The following ABHD12 variants were observed in gnomAD, a reference collection of about 807,000 sequenced individuals.
The protein encoded by ABHD12 is lysophosphatidylserine lipase ABHD12.
A neutral mutation model predicts 58.3 loss-of-function variants in ABHD12; 43 were observed. The ratio of observed to expected loss-of-function variants is 0.74; its 90% CI spans 0.58 to 0.95. ABHD12 has a LOEUF of 0.95. Ranked by LOEUF, ABHD12 falls within the 40% of genes least tolerant of loss-of-function variation. ABHD12 has a pLI of 0.00. For missense variants in ABHD12, 539 were observed against 537.2 expected (o/e 1.00, Z -0.03); for synonymous variants, 219 against 211.2 (o/e 1.04, Z -0.32).
chr20:25,383,952 C>T (rs2090052888), intron 1 of ABHD12, among the ~76,000 whole-genome samples: 1 of 80,644 alleles, frequency 1.2e-5, no homozygotes, highest in South Asian at 4.3e-4. Context: ...GAGACTCTTT[C>T]TCAAAAAAAA....
intron 8 of ABHD12, 146 bp downstream of exon 8, chr20:25,308,311 T>C (rs2088783689): frequency 4.9e-6 from 5 of 1,013,690 alleles, no homozygotes; most frequent in Non-Finnish European, 6.0e-6. Context: ...AGGTGTATCA[T>C]GGGAAGGGTG....
downstream of ABHD12, among the ~76,000 whole-genome samples, chr20:25,299,756 C>G (rs2088603681): frequency 6.6e-6 from 1 of 152,184 alleles, no homozygotes; most frequent in Non-Finnish European, 1.5e-5. Context: ...CAGGTGGTGT[C>G]TCTGGGGCCG....
chr20:25,312,650 A>G (rs1179046785), intron 6 of ABHD12, among the ~76,000 whole-genome samples: 1 of 138,150 alleles, frequency 7.2e-6, no homozygotes, highest in African/African-American at 2.8e-5. Flanking sequence ...ATCGTCTGGG[A>G]TGTGAGGAGC....
At chr20:25,307,897 C>T in intron 9 of ABHD12, 69 bp downstream of exon 9, 1 of 728,342 alleles carries the variant, frequency 1.4e-6, no homozygotes, top group Middle Eastern at 4.0e-4. Flanking sequence ...ATAATGTATC[C>T]TGTAATTAGT....
In ABHD12 at chr20:25,302,245, C is replaced by G. The variant is rs1250152620; in HGVS notation, c.1131G>C (p.Lys377Asn). Residue 377 changes from lysine to asparagine, a missense_variant, in exon 12 of 13, where the codon AAG becomes AAC. Transcript: ENST00000339157. ...DLGYRHKYIY[K>N]SPELPRILRE... ...TCAGTATCCGTGGCAGCTCAGGGCT[C>G]TTGTAAATGTATTTGTGCCTGTAGC... 2 of 1,613,606 alleles carry G rather than the reference C, an allele frequency of 1.2e-6. No homozygotes were observed. Among genetic ancestry groups the G allele is most frequent in the Admixed American group, 1.7e-5 (1 of 60,026 alleles).
intron 4 of ABHD12, among the ~76,000 whole-genome samples, chr20:25,317,485 C>T (rs1425870059): frequency 1.3e-5 from 2 of 152,202 alleles, no homozygotes; most frequent in African/African-American, 2.4e-5. Context: ...TTGCTCCGCA[C>T]GTCTCAGCCG....
At chr20:25,388,011 C>A (rs935112981) in intron 1 of ABHD12, among the ~76,000 whole-genome samples, 2 of 146,990 alleles carry the variant, frequency 1.4e-5, no homozygotes, top group African/African-American at 2.6e-5. Context: ...TGCACTCCAG[C>A]CTGGGCGACA....
downstream of ABHD12, chr20:25,296,576 ACCT>A: frequency 6.4e-7 from 1 of 1,561,306 alleles, no homozygotes; most frequent in Non-Finnish European, 8.7e-7. Context: ...CTGACTTTGC[ACCT>A]CCTTTTTTCC....
chr20:25,294,995 C>A, exon 13 of ABHD12: 1 of 1,614,210 alleles, frequency 6.2e-7, no homozygotes, highest in Non-Finnish European at 8.5e-7. Flanking sequence ...TGACCACATG[C>A]TGGGATCTGG....
chr20:25,323,470 G>C (rs1405943126), intron 2 of ABHD12, 40 bp from the exon 3 acceptor site: 3 of 1,267,860 alleles, frequency 2.4e-6, no homozygotes, highest in Non-Finnish European at 3.5e-6. Context: ...ATTACTGGTG[G>C]ATGAATACAC....
chr20:25,303,347 C>T (rs960381044), intron 11 of ABHD12: 19 of 1,472,666 alleles, frequency 1.3e-5, no homozygotes, highest in Non-Finnish European at 1.5e-5. Context: ...ACCTTTACAC[C>T]AGACCTCCCA....
chr20:25,368,562 G>A (rs1378803606), intron 1 of ABHD12: 1 of 1,403,138 alleles, frequency 7.1e-7, no homozygotes, highest in African/African-American at 1.4e-5. Flanking sequence ...GTGCCATTAT[G>A]GGTGTGAAGT....
intron 2 of ABHD12, among the ~76,000 whole-genome samples, chr20:25,328,105 A>G (rs937661294): frequency 2.4e-4 from 34 of 144,066 alleles, no homozygotes; most frequent in Non-Finnish European, 3.8e-4. Flanking sequence ...AGTCTCCTGG[A>G]AAAAAAAAAA....
At chr20:25,296,794 G>T (rs1043284902), downstream of ABHD12, 1 of 453,166 alleles carries the variant, frequency 2.2e-6, no homozygotes, top group Non-Finnish European at 3.9e-6. Flanking sequence ...GCCCCACCCA[G>T]AGTGGGAGTC....
rs148225384 is a variant in ABHD12 at position 25,301,332 on chromosome 20, G to A, written c.1158-448C>T. The stretch of plus-strand genomic sequence containing the variant: ...AGAAGTTTGCAGTAGAATTACTCAC[G>A]GGATATACAGCACTGGGAGGCAATT... On this transcript the variant is annotated intron_variant, in intron 12 of 12. Coordinates refer to ENST00000339157, the MANE Select transcript of ABHD12 (RefSeq NM_001042472.3). 1.6e-3 allele frequency among the ~76,000 whole-genome samples: 249 copies of A among 152,316 alleles called. 1 individual carries two copies. The highest frequency in any genetic ancestry group is 3.6e-3 in the Admixed American group (55 of 15,308).
At position 25,326,746 on chromosome 20, in the gene ABHD12, AAACAAC is replaced by A. The variant is rs35210969; in HGVS notation, c.317-3322_317-3317del. 7.0e-3 allele frequency among the ~76,000 whole-genome samples: 1,056 copies of A among 151,390 alleles called. 5 individuals are homozygous for A. The highest frequency in any genetic ancestry group is 0.021 in the Middle Eastern group (6 of 288). Reference sequence around the variant, plus strand: ...GAGAGAAAAATTATGCTTCAAAAAAAAACAACAACAACAACTATGGTATACCTGTTG... The same window carrying A: ...GAGAGAAAAATTATGCTTCAAAAAAAAACAACAACTATGGTATACCTGTTG... On this transcript the variant is annotated intron_variant, in intron 2 of 12. Coordinates refer to ENST00000339157, the MANE Select transcript of ABHD12 (RefSeq NM_001042472.3).
At position 25,303,583 on chromosome 20, in the gene ABHD12, G is replaced by A. The variant is rs761933589; in HGVS notation, c.996C>T (p.Asp332=). 20 of 1,613,854 alleles carry A rather than the reference G, an allele frequency of 1.2e-5. No homozygotes were observed. Among genetic ancestry groups the A allele is most frequent in the South Asian group, 5.5e-5 (5 of 91,082 alleles). ...CAAGCTGGAAGGGCACCACCGGGTC[G>A]TCCTCAGCGTGCAGGATGAGCAGGG... ...SCPLLILHAE[D]DPVVPFQLGR... Residue 332 remains aspartate, a synonymous_variant, in exon 11 of 13, where the codon GAC becomes GAT. Transcript: ENST00000339157.
At chr20:25,338,901 T>C in intron 2 of ABHD12, 1 of 1,162,952 alleles carries the variant, frequency 8.6e-7, no homozygotes, top group Non-Finnish European at 1.1e-6. Flanking sequence ...TGAAGACAGA[T>C]ACGCTGGTCC....
chr20:25,379,195 A>C lies in ABHD12; in HGVS notation c.191+11318T>G, dbSNP rs112766889. Among the ~76,000 whole-genome samples the C allele has an allele frequency of 6.9e-3, 1,054 of 152,332 alleles. 5 individuals are homozygous for C. The highest frequency in any genetic ancestry group is 0.02 in the Middle Eastern group (6 of 294). On this transcript the variant is annotated intron_variant, in intron 1 of 12. Coordinates refer to ENST00000339157, the MANE Select transcript of ABHD12 (RefSeq NM_001042472.3). The stretch of plus-strand genomic sequence containing the variant: ...GCAGGGGAGCACTCAACTATGCAGA[A>C]CATGTCAACTCCACAGATACACAGC...
Sources: allele counts gnomAD v4.1 joint callset (sites outside exome capture counted in the v4.1 genomes callset), GRCh38; gene constraint gnomAD v4.1.1; transcripts MANE v1.5; gene names NCBI Gene and HGNC (gene_info 2026-07-23, HGNC 2026-07-21).